The following SPMIP2 variants were observed in gnomAD, a reference collection of about 807,000 sequenced individuals.
SPMIP2 encodes the protein sperm microtubule inner protein 2.
At chr4:159,052,722 C>T in the SPMIP2 span, among the ~76,000 whole-genome samples, 1 of 151,212 alleles carries the variant, frequency 6.6e-6, no homozygotes, top group Non-Finnish European at 1.5e-5. Flanking sequence ...CAACCTCTGC[C>T]TTCCAGGTTC....
the SPMIP2 span, among the ~76,000 whole-genome samples, chr4:158,988,754 T>A: frequency 1.3e-5 from 2 of 152,074 alleles, no homozygotes; most frequent in African/African-American, 2.4e-5. Context: ...TGAGAGCTAT[T>A]TATGACAAAC....
the SPMIP2 span, among the ~76,000 whole-genome samples, chr4:158,982,827 T>C: frequency 2.0e-5 from 3 of 151,786 alleles, no homozygotes; most frequent in African/African-American, 7.3e-5. Context: ...CTTTGACAAG[T>C]TGAGAGAAGA....
chr4:158,994,897 T>A, the SPMIP2 span, among the ~76,000 whole-genome samples: 1 of 152,206 alleles, frequency 6.6e-6, no homozygotes, highest in East Asian at 1.9e-4. Flanking sequence ...AATGAACTCA[T>A]GGCCCGGAAA....
At chr4:159,076,548 A>G in the SPMIP2 span, among the ~76,000 whole-genome samples, 1 of 152,134 alleles carries the variant, frequency 6.6e-6, no homozygotes, top group African/African-American at 2.4e-5. Flanking sequence ...TACAGTTTGA[A>G]TACATGTTCA....
At chr4:159,080,657 T>C in the SPMIP2 span, among the ~76,000 whole-genome samples, 1 of 152,232 alleles carries the variant, frequency 6.6e-6, no homozygotes, top group Non-Finnish European at 1.5e-5. Context: ...TATTTCTATA[T>C]GTATATATAG....
the SPMIP2 span, among the ~76,000 whole-genome samples, chr4:158,933,070 C>G: frequency 6.6e-6 from 1 of 152,198 alleles, no homozygotes; most frequent in Admixed American, 6.5e-5. Flanking sequence ...ATGGCGCAAT[C>G]TCGGCTCACT....
At chr4:159,040,319 G>A in the SPMIP2 span, among the ~76,000 whole-genome samples, 2 of 151,668 alleles carry the variant, frequency 1.3e-5, no homozygotes, top group South Asian at 4.1e-4. Context: ...TTACAGGCAC[G>A]TGCCACCATA....
the SPMIP2 span, among the ~76,000 whole-genome samples, chr4:159,035,888 G>C: frequency 2.0e-5 from 3 of 152,312 alleles, no homozygotes; most frequent in South Asian, 6.2e-4. Context: ...ACTGTGTTTA[G>C]ATGTATCTTT....
chr4:159,048,010 G>A, the SPMIP2 span, among the ~76,000 whole-genome samples: 1 of 152,270 alleles, frequency 6.6e-6, no homozygotes, highest in South Asian at 2.1e-4. Flanking sequence ...AGATGAGGAT[G>A]CTTACCGCGT....
the SPMIP2 span, among the ~76,000 whole-genome samples, chr4:158,947,272 A>G: frequency 6.6e-6 from 1 of 152,164 alleles, no homozygotes; most frequent in African/African-American, 2.4e-5. Context: ...AACTCCAAGA[A>G]AAAAAAAGCA....
chr4:158,950,270 A>G, the SPMIP2 span, among the ~76,000 whole-genome samples: 48 of 152,306 alleles, frequency 3.2e-4, no homozygotes, highest in African/African-American at 1.1e-3. Flanking sequence ...CAAGTCTTTC[A>G]TTTGCACATA....
chr4:158,971,177 T>C, the SPMIP2 span, among the ~76,000 whole-genome samples: 1 of 152,188 alleles, frequency 6.6e-6, no homozygotes, highest in South Asian at 2.1e-4. Flanking sequence ...CTATACACAC[T>C]CAAGATGGTC....
the SPMIP2 span, among the ~76,000 whole-genome samples, chr4:158,913,321 C>T: frequency 2.0e-5 from 3 of 152,290 alleles, no homozygotes; most frequent in African/African-American, 7.2e-5. Flanking sequence ...GACCTGTGAT[C>T]GAGCAAGCCT....
At chr4:158,917,616 C>T in the SPMIP2 span, among the ~76,000 whole-genome samples, 2 of 151,660 alleles carry the variant, frequency 1.3e-5, no homozygotes, top group Non-Finnish European at 1.5e-5. Flanking sequence ...CTCCTTATTT[C>T]CTGGAAAACT....
chr4:159,076,370 C>T, the SPMIP2 span, among the ~76,000 whole-genome samples: 19 of 152,160 alleles, frequency 1.2e-4, no homozygotes, highest in African/African-American at 4.6e-4. Context: ...TTCATGGTTA[C>T]TTCTATTTTT....
chr4:159,001,911 G>C, the SPMIP2 span, among the ~76,000 whole-genome samples: 1 of 152,178 alleles, frequency 6.6e-6, no homozygotes. Context: ...AGCTCTTTGA[G>C]GAAGCGCCAC....
the SPMIP2 span, among the ~76,000 whole-genome samples, chr4:158,921,733 G>A: frequency 7.2e-5 from 11 of 152,096 alleles, no homozygotes; most frequent in Admixed American, 2.0e-4. Flanking sequence ...CCTTTTCATG[G>A]AGAATGGTAT....
At chr4:158,958,399 G>A in the SPMIP2 span, among the ~76,000 whole-genome samples, 4 of 152,226 alleles carry the variant, frequency 2.6e-5, no homozygotes, top group East Asian at 7.7e-4. Flanking sequence ...CTCCCAAAGT[G>A]CTGGGATTAC....
At chr4:158,918,670 T>C in the SPMIP2 span, among the ~76,000 whole-genome samples, 2 of 152,174 alleles carry the variant, frequency 1.3e-5, no homozygotes, top group Non-Finnish European at 2.9e-5. Flanking sequence ...AATAGAAAGT[T>C]AAAAATTAGA....
Sources: allele counts gnomAD v4.1 joint callset (sites outside exome capture counted in the v4.1 genomes callset), GRCh38; gene constraint gnomAD v4.1.1; transcripts MANE v1.5; gene names NCBI Gene and HGNC (gene_info 2026-07-23, HGNC 2026-07-21).